SLC10A7: variants seen among roughly 807,000 people sequenced by gnomAD.
SLC10A7 encodes solute carrier family 10 member 7, also known as sodium/bile acid cotransporter 7.
Under a neutral mutation model 43.2 loss-of-function variants are expected in SLC10A7, and 29 were observed. The observed-to-expected ratio is 0.67, with a 90% confidence interval of 0.50 to 0.92. The LOEUF is 0.92. Among genes scored for constraint, SLC10A7 ranks in the 40% least tolerant of loss-of-function variants. The pLI, the probability that SLC10A7 is intolerant of heterozygous loss-of-function variation, is 0.00. For synonymous variants in SLC10A7, 152 were observed against 144.8 expected, an observed-to-expected ratio of 1.05 and a Z score of -0.35; for missense variants, 295 against 403.2, an observed-to-expected ratio of 0.73 and a Z score of 2.30.
At chr4:146,500,749 T>G (rs1233791393) in intron 4 of SLC10A7, among the ~76,000 whole-genome samples, 1 of 152,112 alleles carries the variant, frequency 6.6e-6, no homozygotes, top group Non-Finnish European at 1.5e-5. Flanking sequence ...ACAGAGAACC[T>G]CAAAACAGTT....
rs753647233 is a variant in SLC10A7 at position 146,434,946 on chromosome 4, G to A, written c.435+7837C>T. 2.3e-4 allele frequency among the ~76,000 whole-genome samples: 35 copies of A among 152,114 alleles called. 1 individual carries two copies. The highest frequency in any genetic ancestry group is 4.3e-4 in the Non-Finnish European group (29 of 68,018). ...GCGATTCAGAATTAGGATGTCTGTG[G>A]AATCACACTAGGAAAAACAGCATTT... On this transcript the variant is annotated intron_variant, in intron 5 of 11. Coordinates refer to ENST00000335472, the MANE Select transcript of SLC10A7 (RefSeq NM_001029998.6).
At chr4:146,511,874 A>G (rs1737502875) in intron 2 of SLC10A7, among the ~76,000 whole-genome samples, 3 of 151,968 alleles carry the variant, frequency 2.0e-5, no homozygotes, top group Admixed American at 2.0e-4. Flanking sequence ...ACTCAGAGGC[A>G]TTTGATAAAC....
intron 5 of SLC10A7, among the ~76,000 whole-genome samples, chr4:146,341,488 A>G (rs1461788347): frequency 1.3e-5 from 2 of 151,840 alleles, no homozygotes; most frequent in African/African-American, 4.8e-5. Flanking sequence ...CATCAGACAT[A>G]AGAATGTAAC....
chr4:146,439,880 C>A (rs932911128), intron 5 of SLC10A7, among the ~76,000 whole-genome samples: 1 of 152,062 alleles, frequency 6.6e-6, no homozygotes, highest in African/African-American at 2.4e-5. Flanking sequence ...GTAACAAGTA[C>A]CATCCTTTAA....
chr4:146,294,958 G>A (rs1730680905), intron 7 of SLC10A7, among the ~76,000 whole-genome samples: 1 of 152,094 alleles, frequency 6.6e-6, no homozygotes, highest in Non-Finnish European at 1.5e-5. Context: ...ATTAAGTTTT[G>A]AGTCACTCAT....
At chr4:146,283,996 C>A (rs1409435639) in intron 9 of SLC10A7, among the ~76,000 whole-genome samples, 1 of 152,072 alleles carries the variant, frequency 6.6e-6, no homozygotes, top group African/African-American at 2.4e-5. Flanking sequence ...AAAAACCTCA[C>A]TGAGTCAAAA....
chr4:146,275,906 G>A (rs1729176006), intron 10 of SLC10A7, among the ~76,000 whole-genome samples: 1 of 151,892 alleles, frequency 6.6e-6, no homozygotes, highest in South Asian at 2.1e-4. Flanking sequence ...CCTTGCATGA[G>A]AGGGTCCCTC....
chr4:146,261,876 C>A (rs1247039089), intron 10 of SLC10A7, among the ~76,000 whole-genome samples: 1 of 152,212 alleles, frequency 6.6e-6, no homozygotes, highest in Non-Finnish European at 1.5e-5. Flanking sequence ...ACAAGTCAAT[C>A]ACTCGCCAGG....
At chr4:146,297,023 C>A (rs970386851) in intron 7 of SLC10A7, among the ~76,000 whole-genome samples, 7 of 152,228 alleles carry the variant, frequency 4.6e-5, no homozygotes, top group Non-Finnish European at 8.8e-5. Context: ...ATCAACACAA[C>A]CTGATATAGA....
At chr4:146,261,439 C>T (rs6818971) in intron 10 of SLC10A7, among the ~76,000 whole-genome samples, 3,329 of 152,314 alleles carry the variant, frequency 0.022, 112 homozygotes, top group African/African-American at 0.076. Context: ...GCTCCAGCTA[C>T]TTTCTGCATT....
At chr4:146,452,362 AT>A (rs563006055) in intron 4 of SLC10A7, among the ~76,000 whole-genome samples, 2 of 152,068 alleles carry the variant, frequency 1.3e-5, no homozygotes, top group Non-Finnish European at 2.9e-5. Flanking sequence ...CTTAATATTT[AT>A]TTTCTCCCTA....
chr4:146,443,995 G>A (rs556181072), intron 4 of SLC10A7, among the ~76,000 whole-genome samples: 2 of 152,276 alleles, frequency 1.3e-5, no homozygotes, highest in African/African-American at 2.4e-5. Flanking sequence ...CAGGGACAAT[G>A]GCATATGGTG....
intron 5 of SLC10A7, among the ~76,000 whole-genome samples, chr4:146,383,965 C>T (rs1016264401): frequency 6.6e-6 from 1 of 152,116 alleles, no homozygotes; most frequent in Non-Finnish European, 1.5e-5. Context: ...ACTGCTGGCA[C>T]TGATTAACTG....
intron 6 of SLC10A7, among the ~76,000 whole-genome samples, chr4:146,319,430 A>C (rs1032268935): frequency 2.4e-4 from 36 of 152,074 alleles, no homozygotes; most frequent in African/African-American, 8.4e-4. Flanking sequence ...CAACTCTCCC[A>C]TCCTAATCTA....
intron 5 of SLC10A7, among the ~76,000 whole-genome samples, chr4:146,391,586 G>A (rs553335265): frequency 1.3e-5 from 2 of 152,302 alleles, no homozygotes; most frequent in African/African-American, 2.4e-5. Flanking sequence ...TTGAGCCGCT[G>A]GTCAATTGTT....
chr4:146,493,762 A>C (rs182452733), intron 4 of SLC10A7, among the ~76,000 whole-genome samples: 1 of 152,346 alleles, frequency 6.6e-6, no homozygotes, highest in Admixed American at 6.5e-5. Context: ...AGGTTATGAC[A>C]AGAAATACTT....
rs1736265906 is a variant in SLC10A7 at position 146,364,553 on chromosome 4, C to T, written c.436-38557G>A. 2.0e-5 allele frequency among the ~76,000 whole-genome samples: 3 copies of T among 152,068 alleles called. No individual in the cohort carries two copies. In the South Asian group the frequency reaches 6.2e-4, roughly 31 times the overall value. The stretch of plus-strand genomic sequence containing the variant: ...CAGAACAACAAATGTTGCATGTTTT[C>T]TGACTCATGTTGGGGCTATAAAAAA... On this transcript the variant is annotated intron_variant, in intron 5 of 11. Coordinates refer to ENST00000335472, the MANE Select transcript of SLC10A7 (RefSeq NM_001029998.6).
chr4:146,410,486 A>G (rs1728110151), intron 5 of SLC10A7, among the ~76,000 whole-genome samples: 1 of 152,210 alleles, frequency 6.6e-6, no homozygotes, highest in Non-Finnish European at 1.5e-5. Flanking sequence ...GACTTCCTAC[A>G]ATGAGCCAGG....
At chr4:146,476,592 CAGT>C (rs770161126) in intron 4 of SLC10A7, among the ~76,000 whole-genome samples, 4 of 152,132 alleles carry the variant, frequency 2.6e-5, no homozygotes, top group African/African-American at 4.8e-5. Flanking sequence ...CCCTGAGCCA[CAGT>C]CTAGTGGGAT....
Sources: gnomAD v4.1 joint callset for allele counts (sites outside exome capture counted in the v4.1 genomes callset) on GRCh38, gnomAD v4.1.1 for gene constraint, MANE v1.5 for transcripts, NCBI Gene and HGNC (gene_info 2026-07-23, HGNC 2026-07-21) for gene names.